TYW1: variants seen among roughly 807,000 people sequenced by gnomAD.
The protein encoded by TYW1 is tRNA-yW synthesizing protein 1 homolog, also known as S-adenosyl-L-methionine-dependent tRNA 4-demethylwyosine synthase TYW1.
Under a neutral mutation model 96.2 loss-of-function variants are expected in TYW1, and 46 were observed. That is an observed-to-expected ratio of 0.48 (90% CI 0.38 to 0.61). The LOEUF (loss-of-function observed/expected upper bound fraction) is 0.61. TYW1 is among the 20% of genes least tolerant of loss of function. The pLI, the probability that TYW1 is intolerant of heterozygous loss-of-function variation, is 0.00. For missense variants in TYW1, 684 were observed against 909.6 expected (o/e 0.75, Z 3.19); for synonymous variants, 274 against 323.0 (o/e 0.85, Z 1.63).
At chr7:67,028,086 A>C (rs540446877) in intron 7 of TYW1, among the ~76,000 whole-genome samples, 97 of 148,740 alleles carry the variant, frequency 6.5e-4, no homozygotes, top group African/African-American at 2.2e-3. Context: ...AAATACAAAA[A>C]AAATAAGCTG....
Position 67,017,975 on chromosome 7 carries a change from A to G in TYW1, c.693A>G (p.Ala231=). 6.2e-7 allele frequency: 1 copy of G among 1,614,160 alleles called. No individual in the cohort carries two copies. Among genetic ancestry groups the G allele is most frequent in the Non-Finnish European group, 8.5e-7 (1 of 1,180,028 alleles). The change falls in exon 6 of 16, where the codon GCA becomes GCG. Residue 231 remains alanine (A), a synonymous_variant. Coordinates refer to ENST00000359626, the MANE Select transcript of TYW1 (RefSeq NM_018264.4). ...GCAGCATTGAGGCCGACTTCAGAGCATGGAAGACCAAGTTCATCTCCCAGC... is the reference window on the plus strand; with the variant it reads ...GCAGCATTGAGGCCGACTTCAGAGCGTGGAAGACCAAGTTCATCTCCCAGC... The part of the protein sequence containing the change: ...KHGSIEADFR[A]WKTKFISQLQ...
At chr7:67,156,208 C>T (rs1250537746) in intron 13 of TYW1, among the ~76,000 whole-genome samples, 1 of 152,172 alleles carries the variant, frequency 6.6e-6, no homozygotes, top group Non-Finnish European at 1.5e-5. Context: ...TGGTGGCAGT[C>T]ATGGGCTGGG....
At chr7:67,138,136 C>T (rs1347758115) in intron 13 of TYW1, among the ~76,000 whole-genome samples, 1 of 152,136 alleles carries the variant, frequency 6.6e-6, no homozygotes, top group African/African-American at 2.4e-5. Flanking sequence ...GGGGTTCCAT[C>T]CCCTGTGAAG....
chr7:67,094,238 CAACCGTTG>C (rs1469610742), intron 11 of TYW1, among the ~76,000 whole-genome samples: 1 of 152,152 alleles, frequency 6.6e-6, no homozygotes, highest in Non-Finnish European at 1.5e-5. Context: ...TTTATCCAGT[CAACCGTTG>C]ATGGACACTT....
intron 6 of TYW1, among the ~76,000 whole-genome samples, chr7:67,023,402 CT>C (rs1193142104): frequency 2.6e-5 from 4 of 152,046 alleles, no homozygotes; most frequent in Non-Finnish European, 4.4e-5. Context: ...CGGCCCGTTT[CT>C]TTTAAAGTGA....
rs566732127 is a variant in TYW1 at position 67,172,326 on chromosome 7, T to C, written c.1699-10800T>C. Reference sequence around the variant, plus strand: ...GTTTATATCATTTTATAAGCAATAGTACTTAGAATACTTAACTCCATTAAC... The same window carrying C: ...GTTTATATCATTTTATAAGCAATAGCACTTAGAATACTTAACTCCATTAAC... On this transcript the variant is annotated intron_variant, in intron 13 of 15. Coordinates refer to ENST00000359626, the MANE Select transcript of TYW1 (RefSeq NM_018264.4). Among the ~76,000 whole-genome samples, 273 of 151,998 alleles carry C rather than the reference T, an allele frequency of 1.8e-3. 1 individual carries two copies. Among genetic ancestry groups the C allele is most frequent in the East Asian group, 4.3e-3 (22 of 5,160 alleles).
At chr7:67,042,259 A>G (rs1795052996) in intron 7 of TYW1, among the ~76,000 whole-genome samples, 1 of 151,290 alleles carries the variant, frequency 6.6e-6, no homozygotes, top group African/African-American at 2.4e-5. Context: ...TTATATAAGT[A>G]TATGTCTTCA....
intron 10 of TYW1, among the ~76,000 whole-genome samples, chr7:67,069,919 G>A (rs971096501): frequency 1.3e-5 from 2 of 152,172 alleles, no homozygotes; most frequent in Non-Finnish European, 2.9e-5. Context: ...CGTAGGGCAG[G>A]TCTGTTAGCA....
chr7:67,065,624 A>G (rs914974400), intron 9 of TYW1, among the ~76,000 whole-genome samples: 11 of 151,796 alleles, frequency 7.2e-5, no homozygotes, highest in African/African-American at 2.4e-4. Context: ...ATGCAGTACT[A>G]ATATGGACAG....
chr7:67,064,435 G>C (rs1352248808), intron 9 of TYW1, among the ~76,000 whole-genome samples: 1 of 152,150 alleles, frequency 6.6e-6, no homozygotes, highest in Non-Finnish European at 1.5e-5. Flanking sequence ...TGCAAAAGCT[G>C]TTCTGTATTA....
In TYW1 at chr7:67,034,221, A is replaced by G. The variant is rs1273409879; in HGVS notation, c.984+9199A>G. Among the ~76,000 whole-genome samples, 8 of 151,592 alleles carry G rather than the reference A, an allele frequency of 5.3e-5. No individual in the cohort carries two copies. The East Asian group carries it at 9.7e-4, about 18-fold the overall frequency. The stretch of plus-strand genomic sequence containing the variant: ...TGGGTTCAAGCAATTCTCCTGCCTC[A>G]GCCTCCCGAGTAGCTGGGATTACAG... On this transcript the variant is annotated intron_variant, in intron 7 of 15. Coordinates refer to ENST00000359626, the MANE Select transcript of TYW1 (RefSeq NM_018264.4).
At chr7:67,205,661 C>T (rs13222852) in intron 15 of TYW1, among the ~76,000 whole-genome samples, 28,421 of 151,882 alleles carry the variant, frequency 0.19, 3,008 homozygotes, top group African/African-American at 0.27. Flanking sequence ...AGGTTCCCCA[C>T]TCAGTATTTG....
At chr7:67,055,323 G>T (rs1188798705) in intron 8 of TYW1, among the ~76,000 whole-genome samples, 1 of 152,124 alleles carries the variant, frequency 6.6e-6, no homozygotes, top group East Asian at 1.9e-4. Flanking sequence ...ATGATTGGGT[G>T]TGGTGGCTCA....
rs548618486 is a variant in TYW1, at chr7:67,147,457, C to T, written c.1698+29839C>T. Among the ~76,000 whole-genome samples, 23 of 152,102 alleles carry T rather than the reference C, an allele frequency of 1.5e-4. No homozygotes were observed. In the South Asian group the frequency reaches 2.7e-3, roughly 18 times the overall value. ...TTTAACTCTTAAGTTCAAAGGTATA[C>T]GTGCACATTGGTTACACAGATAAAC... On this transcript the variant is annotated intron_variant, in intron 13 of 15. Coordinates refer to ENST00000359626, the MANE Select transcript of TYW1 (RefSeq NM_018264.4).
In TYW1 at chr7:67,009,611, T is replaced by C; in HGVS notation, c.302T>C (p.Val101Ala). 6.2e-7 allele frequency: 1 copy of C among 1,612,756 alleles called. No homozygotes were observed. The highest frequency in any genetic ancestry group is 1.1e-5 in the South Asian group (1 of 90,394). Reference sequence around the variant, plus strand: ...TTCGCAACAGTTCTTGCTGAAGCAGTTACATCCCTGGATCTGCCTGTGGCC... The same window carrying C: ...TTCGCAACAGTTCTTGCTGAAGCAGCTACATCCCTGGATCTGCCTGTGGCC... Reference protein sequence around the residue: ...KGFATVLAEAVTSLDLPVAII... With the variant: ...KGFATVLAEAATSLDLPVAII... The change falls in exon 4 of 16, where the codon GTT becomes GCT. Residue 101 changes from valine (V) to alanine (A), a missense_variant. Val to Ala is a moderately conservative substitution (Grantham distance 64, BLOSUM62 0). Transcript: ENST00000359626.
At chr7:67,078,361 C>G (rs1203018118) in intron 10 of TYW1, among the ~76,000 whole-genome samples, 1 of 152,034 alleles carries the variant, frequency 6.6e-6, no homozygotes, top group Non-Finnish European at 1.5e-5. Flanking sequence ...TCCCAAAGTG[C>G]TGGGATTAGA....
intron 10 of TYW1, among the ~76,000 whole-genome samples, chr7:67,074,936 G>A (rs1391910927): frequency 2.6e-5 from 4 of 152,074 alleles, no homozygotes; most frequent in South Asian, 4.1e-4. Flanking sequence ...GGGTTCAAGC[G>A]ATTCTCCTGC....
chr7:67,107,442 A>AAG (rs903438661), intron 12 of TYW1, among the ~76,000 whole-genome samples: 5 of 151,936 alleles, frequency 3.3e-5, no homozygotes, highest in Non-Finnish European at 7.4e-5. Context: ...GGATGGGCTA[A>AAG]AGAGAGAGAG....
At chr7:67,119,521 A>G (rs1250867578) in intron 13 of TYW1, among the ~76,000 whole-genome samples, 1 of 152,104 alleles carries the variant, frequency 6.6e-6, no homozygotes, top group African/African-American at 2.4e-5. Context: ...GTCTCCCCAG[A>G]TTTTGGAAGG....
Sources: gnomAD v4.1 joint callset for allele counts (sites outside exome capture counted in the v4.1 genomes callset) on GRCh38, gnomAD v4.1.1 for gene constraint, MANE v1.5 for transcripts, NCBI Gene and HGNC (gene_info 2026-07-23, HGNC 2026-07-21) for gene names.